The following PARD3B variants were observed in gnomAD, a reference collection of about 807,000 sequenced individuals.
PARD3B encodes par-3 family cell polarity regulator beta.
Under a neutral mutation model 130.2 loss-of-function variants are expected in PARD3B, and 103 were observed. The ratio of observed to expected loss-of-function variants is 0.79; its 90% CI spans 0.67 to 0.93. The LOEUF (loss-of-function observed/expected upper bound fraction) is 0.93. Ranked by LOEUF, PARD3B falls within the 40% of genes least tolerant of loss-of-function variation. The pLI, the probability that PARD3B is intolerant of heterozygous loss-of-function variation, is 0.00. For synonymous variants in PARD3B, 583 were observed against 553.2 expected, an observed-to-expected ratio of 1.05 and a Z score of -0.76; for missense variants, 1,609 against 1,499.2, an observed-to-expected ratio of 1.07 and a Z score of -1.21.
intron 2 of PARD3B, among the ~76,000 whole-genome samples, chr2:204,713,864 C>G (rs1218988661): frequency 2.0e-5 from 3 of 151,976 alleles, no homozygotes; most frequent in African/African-American, 7.3e-5. Flanking sequence ...TGGAATCAGT[C>G]AGTTCCCCAA....
intron 2 of PARD3B, among the ~76,000 whole-genome samples, chr2:204,884,096 A>G (rs1449409379): frequency 2.6e-5 from 4 of 152,192 alleles, no homozygotes; most frequent in Admixed American, 1.3e-4. Flanking sequence ...ATCTTTTTCT[A>G]GGATTAAAGT....
rs533505424 is a variant in PARD3B at position 204,991,163 on chromosome 2, T to G, written c.394+25840T>G. ...CATATGTATACATGTGCCATGCTGG[T>G]GCGCTGCACCCACTAACGCATCATC... On this transcript the variant is annotated intron_variant, in intron 3 of 22. Transcript: ENST00000406610. Among the ~76,000 whole-genome samples the G allele has an allele frequency of 4.1e-3, 623 of 151,932 alleles. 1 individual carries two copies. The highest frequency in any genetic ancestry group is 6.7e-3 in the Non-Finnish European group (458 of 67,952).
At chr2:205,013,303 T>C (rs1695871266) in intron 3 of PARD3B, among the ~76,000 whole-genome samples, 1 of 152,256 alleles carries the variant, frequency 6.6e-6, no homozygotes, top group African/African-American at 2.4e-5. Context: ...CTAGTATTTA[T>C]AATTGATAAC....
chr2:205,368,669 G>T (rs2105901054), intron 18 of PARD3B, among the ~76,000 whole-genome samples: 1 of 152,102 alleles, frequency 6.6e-6, no homozygotes, highest in South Asian at 2.1e-4. Flanking sequence ...TCAAATAAAA[G>T]AATAGACAAT....
At chr2:205,035,474 G>A (rs557952271) in intron 3 of PARD3B, among the ~76,000 whole-genome samples, 27 of 152,104 alleles carry the variant, frequency 1.8e-4, no homozygotes, top group African/African-American at 6.3e-4. Flanking sequence ...TAGATCTGGT[G>A]AGTGAACAAA....
chr2:205,190,664 T>A (rs926024901), intron 14 of PARD3B, among the ~76,000 whole-genome samples: 2 of 152,182 alleles, frequency 1.3e-5, no homozygotes, highest in African/African-American at 4.8e-5. Context: ...CCTCAGGGTC[T>A]TATCTGAGAG....
At chr2:204,829,918 G>C (rs1461808435) in intron 2 of PARD3B, among the ~76,000 whole-genome samples, 3 of 146,736 alleles carry the variant, frequency 2.0e-5, no homozygotes, top group Non-Finnish European at 4.5e-5. Flanking sequence ...AGAATGGCGT[G>C]AACCCGGGAG....
intron 15 of PARD3B, among the ~76,000 whole-genome samples, chr2:205,234,396 G>A (rs1050076402): frequency 6.6e-6 from 1 of 152,108 alleles, no homozygotes; most frequent in Non-Finnish European, 1.5e-5. Context: ...CTACTAGAAT[G>A]GTCACATTGA....
At chr2:205,093,387 T>G (rs529927359) in intron 4 of PARD3B, among the ~76,000 whole-genome samples, 25 of 152,152 alleles carry the variant, frequency 1.6e-4, no homozygotes, top group African/African-American at 6.0e-4. Context: ...GACAGACCTG[T>G]AAAGAAATCT....
chr2:205,520,100 TAACTTAGAGGCA>T (rs2050972464), intron 21 of PARD3B, among the ~76,000 whole-genome samples: 2 of 152,138 alleles, frequency 1.3e-5, no homozygotes, highest in Non-Finnish European at 2.9e-5. Context: ...GTTCCTCCCC[TAACTTAGAGGCA>T]AAAAAGGAAG....
intron 19 of PARD3B, among the ~76,000 whole-genome samples, chr2:205,429,622 C>T (rs2047260761): frequency 6.6e-6 from 1 of 152,148 alleles, no homozygotes; most frequent in Non-Finnish European, 1.5e-5. Flanking sequence ...AGCTATATAA[C>T]TGTACTTTGT....
intron 18 of PARD3B, among the ~76,000 whole-genome samples, chr2:205,354,644 C>T (rs1446406125): frequency 6.6e-6 from 1 of 152,050 alleles, no homozygotes; most frequent in Non-Finnish European, 1.5e-5. Context: ...ATGAAGATTC[C>T]TTCTCTGATA....
intron 16 of PARD3B, among the ~76,000 whole-genome samples, chr2:205,283,651 T>C (rs2041276355): frequency 6.6e-6 from 1 of 152,236 alleles, no homozygotes; most frequent in Non-Finnish European, 1.5e-5. Flanking sequence ...ATCAGTATTC[T>C]ATATCACACT....
At chr2:205,034,335 TTCTC>T (rs1213485087) in intron 3 of PARD3B, among the ~76,000 whole-genome samples, 1 of 151,880 alleles carries the variant, frequency 6.6e-6, no homozygotes, top group East Asian at 1.9e-4. Context: ...AGATATCACT[TTCTC>T]TCTCACATTC....
chr2:204,912,131 G>T (rs2047260590), intron 2 of PARD3B, among the ~76,000 whole-genome samples: 1 of 152,038 alleles, frequency 6.6e-6, no homozygotes, highest in African/African-American at 2.4e-5. Context: ...ATTCATTTGG[G>T]TTATTCATTT....
At chr2:204,546,471 G>C (rs2029943868) in intron 1 of PARD3B, among the ~76,000 whole-genome samples, 1 of 152,190 alleles carries the variant, frequency 6.6e-6, no homozygotes, top group African/African-American at 2.4e-5. Flanking sequence ...TTTAGAACTT[G>C]TTTGAGGGAA....
intron 2 of PARD3B, among the ~76,000 whole-genome samples, chr2:204,847,085 T>A (rs2044491380): frequency 6.6e-6 from 1 of 152,080 alleles, no homozygotes; most frequent in Non-Finnish European, 1.5e-5. Flanking sequence ...CGCCACGTAT[T>A]TCTATATCCT....
chr2:205,048,799 A>G (rs534911259), intron 4 of PARD3B, among the ~76,000 whole-genome samples: 2 of 152,346 alleles, frequency 1.3e-5, no homozygotes, highest in East Asian at 3.9e-4. Context: ...ATTAAAAGAA[A>G]GCAGGTGTCT....
intron 19 of PARD3B, among the ~76,000 whole-genome samples, chr2:205,406,448 T>C (rs1280912375): frequency 6.6e-6 from 1 of 152,084 alleles, no homozygotes; most frequent in African/African-American, 2.4e-5. Context: ...GCTAATGAAA[T>C]GATTACATTT....
Sources: allele counts gnomAD v4.1 joint callset (sites outside exome capture counted in the v4.1 genomes callset), GRCh38; gene constraint gnomAD v4.1.1; transcripts MANE v1.5; gene names NCBI Gene and HGNC (gene_info 2026-07-23, HGNC 2026-07-21).